Variants in DHPS observed in about 807,000 individuals in gnomAD.
The protein encoded by DHPS is migration-inducing gene 13.
A neutral mutation model predicts 38.7 loss-of-function variants in DHPS; 24 were observed. The ratio of observed to expected loss-of-function variants is 0.62; its 90% CI spans 0.45 to 0.87. The LOEUF (loss-of-function observed/expected upper bound fraction) is 0.87. DHPS is among the 40% of genes least tolerant of loss of function. The pLI, the probability that DHPS is intolerant of heterozygous loss-of-function variation, is 0.00. For synonymous variants in DHPS, 250 were observed against 204.4 expected, an observed-to-expected ratio of 1.22 and a Z score of -1.90; for missense variants, 510 against 497.6, an observed-to-expected ratio of 1.02 and a Z score of -0.24.
At chr19:12,677,634 C>G (rs2024656401) in intron 5 of DHPS, among the ~76,000 whole-genome samples, 1 of 151,802 alleles carries the variant, frequency 6.6e-6, no homozygotes, top group Non-Finnish European at 1.5e-5. Flanking sequence ...AGCTGTTTCT[C>G]TCTCTTTTTT....
At chr19:12,673,407 GATCTT>G, downstream of DHPS, 4 of 415,206 alleles carry the variant, frequency 9.6e-6, no homozygotes, top group Non-Finnish European at 1.3e-5. Context: ...TGAAGGCTAG[GATCTT>G]TTTTTTTTTT....
chr19:12,677,440 G>A (rs767041900), intron 5 of DHPS, 44 bp from the exon 6 acceptor site: 12 of 1,531,180 alleles, frequency 7.8e-6, no homozygotes, highest in African/African-American at 4.1e-5. Context: ...TCAGAGCCTC[G>A]TCTCCATGCT....
chr19:12,681,360 A>G, intron 1 of DHPS, 200 bp downstream of exon 1: 1 of 979,402 alleles, frequency 1.0e-6, no homozygotes, highest in Non-Finnish European at 1.5e-6. Context: ...TTACCGTACC[A>G]GCATGTAACT....
In DHPS at chr19:12,681,633, A is replaced by G. The variant is rs1016202880; in HGVS notation, c.134T>C (p.Leu45Pro). Residue 45 changes from leucine (L) to proline (P), a missense_variant, in exon 1 of 9, where the codon CTG becomes CCG. By Grantham distance (98) the Leu-to-Pro change is moderately conservative (BLOSUM62 -3). Coordinates refer to ENST00000210060, the MANE Select transcript of DHPS (RefSeq NM_001930.4). Reference sequence around the variant, plus strand: ...GCCGGTGGTGCCGAAGGCCTCCAGCAGTGCGCGGTAATTCACACCGCGGTT... The same window carrying G: ...GCCGGTGGTGCCGAAGGCCTCCAGCGGTGCGCGGTAATTCACACCGCGGTT... ...DFNRGVNYRA[L>P]LEAFGTTGFQ... The G allele has an allele frequency of 2.5e-6, 4 of 1,614,260 alleles. No individual in the cohort carries two copies. Among genetic ancestry groups the G allele is most frequent in the Non-Finnish European group, 3.4e-6 (4 of 1,180,048 alleles).
chr19:12,673,403 C>G, downstream of DHPS: 12 of 399,218 alleles, frequency 3.0e-5, no homozygotes, highest in East Asian at 6.0e-5. Flanking sequence ...GGCCTGAAGG[C>G]TAGGATCTTT....
At chr19:12,673,337 C>G (rs2024478111), downstream of DHPS, 1 of 1,570,278 alleles carries the variant, frequency 6.4e-7, no homozygotes, top group Non-Finnish European at 8.7e-7. Context: ...CCCAGCCCTA[C>G]TTCATACCTA....
Position 12,681,740 on chromosome 19 carries a change from C to T in DHPS, c.27G>A (p.Ala9=), listed in dbSNP as rs780356109. 1.9e-6 allele frequency: 3 copies of T among 1,611,722 alleles called. No homozygotes were observed. The highest frequency in any genetic ancestry group is 1.1e-5 in the South Asian group (1 of 91,066). Residue 9 remains alanine, a synonymous_variant, in exon 1 of 9, where the codon GCG becomes GCA. Coordinates refer to ENST00000210060, the MANE Select transcript of DHPS (RefSeq NM_001930.4). The stretch of plus-strand genomic sequence containing the variant: ...GCACGGCGGCCAGCGCCCCCGCTGG[C>T]GCCTCCCGTTCCAGGGAACCTTCCA... MEGSLERE[A]PAGALAAVLK... is the part of the protein sequence containing the mutation.
At chr19:12,674,808 A>G (rs1291632228), downstream of DHPS, among the ~76,000 whole-genome samples, 1 of 152,118 alleles carries the variant, frequency 6.6e-6, no homozygotes, top group Non-Finnish European at 1.5e-5. Flanking sequence ...TGATAGAGGA[A>G]CATGTGGTAC....
downstream of DHPS, among the ~76,000 whole-genome samples, chr19:12,674,910 T>TA (rs2024526986): frequency 1.4e-5 from 2 of 147,396 alleles, no homozygotes; most frequent in Admixed American, 6.8e-5. Flanking sequence ...GGTCAGGAGA[T>TA]AGAGATCATC....
intron 1 of DHPS, among the ~76,000 whole-genome samples, chr19:12,680,535 CT>C (rs869197999): frequency 0.035 from 4,952 of 140,032 alleles, 220 homozygotes; most frequent in African/African-American, 0.11. Context: ...TGCCCCCACC[CT>C]TTTTTTTTTT....
chr19:12,675,154 T>C (rs2145333233), downstream of DHPS, among the ~76,000 whole-genome samples: 1 of 151,650 alleles, frequency 6.6e-6, no homozygotes, highest in Non-Finnish European at 1.5e-5. Context: ...AAGCCAGGCA[T>C]GGTGGCTCAC....
chr19:12,675,491 C>T, downstream of DHPS: 1 of 1,596,042 alleles, frequency 6.3e-7, no homozygotes, highest in East Asian at 2.2e-5. Flanking sequence ...AGCCCAGCCA[C>T]AGATAACCAC....
chr19:12,672,950 G>A, downstream of DHPS: 1 of 1,595,498 alleles, frequency 6.3e-7, no homozygotes, highest in African/African-American at 1.3e-5. Flanking sequence ...AGGCAGGGAA[G>A]ATGGGGGGCC....
At chr19:12,677,638 C>T (rs28758673) in intron 5 of DHPS, among the ~76,000 whole-genome samples, 5,083 of 151,140 alleles carry the variant, frequency 0.034, 285 homozygotes, top group African/African-American at 0.12. Flanking sequence ...GTTTCTCTCT[C>T]TTTTTTTTTA....
downstream of DHPS, chr19:12,672,834 C>G: frequency 6.4e-7 from 1 of 1,572,346 alleles, no homozygotes. Context: ...GCTGGATCTA[C>G]CCTCTCCTGC....
Position 12,680,263 on chromosome 19 carries a change from G to A in DHPS, c.270C>T (p.Ser90=). The change falls in exon 2 of 9, where the codon AGC becomes AGT. Residue 90 remains serine (S), a synonymous_variant. Transcript: ENST00000210060. ...TGGTGCAGCTGGTAAGTGGGCGGCGGCTCTGGGTCAGGTCCGCGTGCTGGT... is the reference window on the plus strand; with the variant it reads ...TGGTGCAGCTGGTAAGTGGGCGGCGACTCTGGGTCAGGTCCGCGTGCTGGT... ...DEDQHADLTQ[S]RRPLTSCTIF... is the part of the protein sequence containing the mutation. 2 of 1,614,134 alleles carry A rather than the reference G, an allele frequency of 1.2e-6. No individual in the cohort carries two copies. The highest frequency in any genetic ancestry group is 1.7e-6 in the Non-Finnish European group (2 of 1,180,026).
At chr19:12,676,270 G>T in intron 7 of DHPS, 128 bp from the exon 8 acceptor site, 1 of 1,199,562 alleles carries the variant, frequency 8.3e-7, no homozygotes, top group Non-Finnish European at 1.1e-6. Context: ...ACAGACATTC[G>T]CTCCCAGACA....
In DHPS at chr19:12,681,878, A is replaced by G; in HGVS notation, c.-112T>C. 1.0e-6 allele frequency: 1 copy of G among 970,428 alleles called. No individual in the cohort carries two copies. The highest frequency in any genetic ancestry group is 2.6e-5 in the East Asian group (1 of 38,450). The allele number at this position is 970,428 out of a possible 1,614,324, so 60.1% of individuals were successfully genotyped here. On this transcript the variant is annotated 5_prime_UTR_variant, in exon 1 of 9. Coordinates refer to ENST00000210060, the MANE Select transcript of DHPS (RefSeq NM_001930.4). ...CTCCGCAAGAGCACAGGAAGTAGGG[A>G]ACGTGCTTTGGGCGAAAGACCGGAA...
At chr19:12,674,929 C>T (rs918468777), downstream of DHPS, among the ~76,000 whole-genome samples, 1 of 151,152 alleles carries the variant, frequency 6.6e-6, no homozygotes. Flanking sequence ...TCCTGGCCAA[C>T]ATGGTGAAAC....
Sources: gnomAD v4.1 joint callset for allele counts (sites outside exome capture counted in the v4.1 genomes callset) on GRCh38, gnomAD v4.1.1 for gene constraint, MANE v1.5 for transcripts, NCBI Gene and HGNC (gene_info 2026-07-23, HGNC 2026-07-21) for gene names.